NRG1: variants seen among roughly 807,000 people sequenced by gnomAD.
The protein encoded by NRG1 is pro-neuregulin-1, membrane-bound isoform.
In NRG1, 18 loss-of-function variants were observed where a neutral mutation model predicts 63.8. The ratio of observed to expected loss-of-function variants is 0.28; its 90% CI spans 0.19 to 0.42. The LOEUF (loss-of-function observed/expected upper bound fraction) is 0.42. Ranked by LOEUF, NRG1 falls within the 10% of genes least tolerant of loss-of-function variation. The pLI, the probability that NRG1 is intolerant of heterozygous loss-of-function variation, is 1.00. For synonymous variants in NRG1, 302 were observed against 301.3 expected, an observed-to-expected ratio of 1.00 and a Z score of -0.02; for missense variants, 762 against 814.7, an observed-to-expected ratio of 0.94 and a Z score of 0.79.
At chr8:32,642,710 A>G (rs1006393336) in intron 5 of NRG1, among the ~76,000 whole-genome samples, 2 of 152,248 alleles carry the variant, frequency 1.3e-5, no homozygotes, top group African/African-American at 4.8e-5. Flanking sequence ...GTTAGATACC[A>G]TGAAGTAAAT....
At chr8:31,802,173 G>A (rs181697079) in intron 1 of NRG1, among the ~76,000 whole-genome samples, 13 of 152,212 alleles carry the variant, frequency 8.5e-5, no homozygotes, top group East Asian at 1.9e-4. Flanking sequence ...GCTTTTAGTC[G>A]TCTATTACCC....
In NRG1 at chr8:32,608,432, G is replaced by T. The variant is rs138541241; in HGVS notation, c.400+2749G>T. 9.9e-5 allele frequency among the ~76,000 whole-genome samples: 15 copies of T among 152,166 alleles called. No individual in the cohort carries two copies. In the East Asian group the frequency reaches 2.9e-3, roughly 29 times the overall value. ...CTATGTTGCCCACTGTGGAACTCCT[G>T]AGTTCAAGAAGTCTACCCACCTTGA... On this transcript the variant is annotated intron_variant, in intron 3 of 11. Transcript: ENST00000356819.
rs149914510 is a variant in NRG1 at position 32,302,892 on chromosome 8, G to A, written c.38-292936G>A. 6.3e-3 allele frequency among the ~76,000 whole-genome samples: 958 copies of A among 152,128 alleles called. 5 individuals are homozygous for A. Among genetic ancestry groups the A allele is most frequent in the Middle Eastern group, 0.014 (4 of 294 alleles). On this transcript the variant is annotated intron_variant, in intron 1 of 10. Coordinates refer to the NRG1 transcript ENST00000519301. Reference sequence around the variant, plus strand: ...TTCTATTTATCAAGAAAGAAAAGACGAACCTGTGGCCGAGCACGGGGGCTC... The same window carrying A: ...TTCTATTTATCAAGAAAGAAAAGACAAACCTGTGGCCGAGCACGGGGGCTC...
At chr8:32,173,246 C>T (rs1840282531) in intron 1 of NRG1, among the ~76,000 whole-genome samples, 3 of 152,028 alleles carry the variant, frequency 2.0e-5, no homozygotes, top group Admixed American at 2.0e-4. Context: ...AACTAAGCTT[C>T]ATAAGTGAAG....
intron 2 of NRG1, among the ~76,000 whole-genome samples, chr8:32,599,555 C>T (rs1180644945): frequency 6.6e-6 from 1 of 152,144 alleles, no homozygotes; most frequent in African/African-American, 2.4e-5. Context: ...TTTGAATTCC[C>T]ATTGAGCCTT....
chr8:31,779,441 C>T (rs1010301658), intron 1 of NRG1, among the ~76,000 whole-genome samples: 13 of 149,304 alleles, frequency 8.7e-5, no homozygotes, highest in Admixed American at 2.0e-4. Flanking sequence ...AACGCTTGTT[C>T]GGAGACAGCC....
At chr8:32,106,497 C>T (rs112642721) in intron 1 of NRG1, among the ~76,000 whole-genome samples, 11 of 152,302 alleles carry the variant, frequency 7.2e-5, no homozygotes, top group African/African-American at 2.4e-4. Flanking sequence ...TCTGGACTCA[C>T]ACTGATTTCT....
chr8:31,971,236 G>C (rs1433954888), intron 1 of NRG1, among the ~76,000 whole-genome samples: 4 of 151,624 alleles, frequency 2.6e-5, no homozygotes, highest in Non-Finnish European at 5.9e-5. Flanking sequence ...GCTTTTCATT[G>C]TCTCAACTGT....
intron 1 of NRG1, among the ~76,000 whole-genome samples, chr8:32,032,530 T>C (rs543263725): frequency 6.4e-4 from 97 of 152,274 alleles, no homozygotes; most frequent in African/African-American, 2.2e-3. Flanking sequence ...CCTCCCAAAG[T>C]GCTGGGGTTA....
At chr8:32,084,226 C>T (rs1363215431) in intron 1 of NRG1, among the ~76,000 whole-genome samples, 1 of 152,108 alleles carries the variant, frequency 6.6e-6, no homozygotes, top group Non-Finnish European at 1.5e-5. Flanking sequence ...TTCCATCGTC[C>T]TTATTAAAGG....
chr8:31,735,646 C>T (rs1195897371), intron 1 of NRG1, among the ~76,000 whole-genome samples: 1 of 152,088 alleles, frequency 6.6e-6, no homozygotes, highest in Non-Finnish European at 1.5e-5. Context: ...TTGTGGTATA[C>T]CCTGTAGTTA....
intron 1 of NRG1, among the ~76,000 whole-genome samples, chr8:32,032,221 A>G (rs1563702167): frequency 6.6e-6 from 1 of 150,810 alleles, no homozygotes; most frequent in South Asian, 2.1e-4. Flanking sequence ...AACTTTTTTC[A>G]TATGTTTGTT....
chr8:32,559,552 A>G (rs1167418565), intron 1 of NRG1, among the ~76,000 whole-genome samples: 1 of 152,188 alleles, frequency 6.6e-6, no homozygotes, highest in Non-Finnish European at 1.5e-5. Flanking sequence ...AAATGTTCTT[A>G]TGTACTTTTT....
intron 1 of NRG1, among the ~76,000 whole-genome samples, chr8:31,971,907 CGAA>C (rs953770594): frequency 2.0e-5 from 3 of 152,096 alleles, no homozygotes; most frequent in African/African-American, 7.2e-5. Flanking sequence ...TGGCTTAACT[CGAA>C]GCCCAAATTT....
chr8:32,431,767 A>G (rs1171858828), intron 1 of NRG1, among the ~76,000 whole-genome samples: 1 of 151,764 alleles, frequency 6.6e-6, no homozygotes, highest in African/African-American at 2.4e-5. Flanking sequence ...AAAAAATTAC[A>G]TTTTGTAATT....
At chr8:32,138,904 C>A (rs985183978) in intron 1 of NRG1, among the ~76,000 whole-genome samples, 1 of 152,054 alleles carries the variant, frequency 6.6e-6, no homozygotes, top group South Asian at 2.1e-4. Flanking sequence ...TATGATCAGA[C>A]CTAATTTTGG....
chr8:32,476,224 A>G (rs1684585756), intron 1 of NRG1, among the ~76,000 whole-genome samples: 1 of 152,222 alleles, frequency 6.6e-6, no homozygotes, highest in Non-Finnish European at 1.5e-5. Context: ...GGGACCAATG[A>G]CAAGAATTAG....
intron 1 of NRG1, among the ~76,000 whole-genome samples, chr8:32,033,333 C>T (rs1818567967): frequency 6.6e-6 from 1 of 152,082 alleles, no homozygotes; most frequent in Non-Finnish European, 1.5e-5. Flanking sequence ...TAGTACCATG[C>T]TGTTTTGGTT....
chr8:32,128,355 A>G (rs894653526), intron 1 of NRG1, among the ~76,000 whole-genome samples: 3 of 151,932 alleles, frequency 2.0e-5, no homozygotes, highest in Non-Finnish European at 4.4e-5. Flanking sequence ...GCATTCCTAT[A>G]TAATGGAGTG....
Sources: allele counts gnomAD v4.1 joint callset (sites outside exome capture counted in the v4.1 genomes callset), GRCh38; gene constraint gnomAD v4.1.1; transcripts MANE v1.5; gene names NCBI Gene and HGNC (gene_info 2026-07-23, HGNC 2026-07-21).